The following SHANK1 variants were observed in gnomAD, a reference collection of about 807,000 sequenced individuals.
SHANK1 encodes SH3 and multiple ankyrin repeat domains 1, also known as SH3 and multiple ankyrin repeat domains protein 1.
A neutral mutation model predicts 165.6 loss-of-function variants in SHANK1; 35 were observed. The observed-to-expected ratio is 0.21, with a 90% CI of 0.16 to 0.28. SHANK1 has a LOEUF of 0.28. Ranked by LOEUF, SHANK1 falls within the 10% of genes least tolerant of loss-of-function variation. SHANK1 has a pLI of 1.00. For missense variants in SHANK1, 2,681 were observed against 3,036.4 expected, an observed-to-expected ratio of 0.88 and a Z score of 2.75; for synonymous variants, 1,428 against 1,384.8, an observed-to-expected ratio of 1.03 and a Z score of -0.69.
Position 50,697,353 on chromosome 19 carries a change from T to C in SHANK1, c.1938-231A>G, listed in dbSNP as rs1347070552. On this transcript the variant is annotated intron_variant, in intron 14 of 23. Coordinates refer to ENST00000293441, the MANE Select transcript of SHANK1 (RefSeq NM_016148.5). This position sits in a 1 kb window ranked among gnomAD's most constrained non-coding sequence, Gnocchi z 4.7. ...CCCCCCAGGCATCCCCACCCTGCCC[T>C]GACCACCCCGTTGTCTCTGGCTACC... Among the ~76,000 whole-genome samples the C allele has an allele frequency of 6.6e-6, 1 of 150,386 alleles. No homozygotes were observed. The highest frequency in any genetic ancestry group is 2.4e-5 in the African/African-American group (1 of 41,102).
chr19:50,685,385 T>C (rs1049895862), intron 21 of SHANK1, among the ~76,000 whole-genome samples: 3 of 152,132 alleles, frequency 2.0e-5, no homozygotes, highest in African/African-American at 7.2e-5. Flanking sequence ...GCTAACAACC[T>C]CGTGTACCTC....
intron 8 of SHANK1, among the ~76,000 whole-genome samples, chr19:50,707,268 T>C (rs1411257376): frequency 1.3e-5 from 2 of 152,248 alleles, no homozygotes; most frequent in Non-Finnish European, 2.9e-5. Context: ...CCACCTGGAT[T>C]AATGCTGGAC....
Position 50,668,063 on chromosome 19 carries a change from G to T in SHANK1, c.3897C>A (p.Leu1299=). ...CGCCGCTGCCCGCAGACTCCAGTCGGAGGTAGGGCTCGGCGGAGAACATGC... is the reference window on the plus strand; with the variant it reads ...CGCCGCTGCCCGCAGACTCCAGTCGTAGGTAGGGCTCGGCGGAGAACATGC... ...DEGMFSAEPY[L]RLESAGSGAG... Residue 1299 remains leucine (L), a synonymous_variant, in exon 23 of 24, where the codon CTC becomes CTA. Coordinates refer to ENST00000293441, the MANE Select transcript of SHANK1 (RefSeq NM_016148.5). 6.8e-7 allele frequency: 1 copy of T among 1,480,672 alleles called. No individual in the cohort carries two copies. Among genetic ancestry groups the T allele is most frequent in the Non-Finnish European group, 8.9e-7 (1 of 1,120,984 alleles). The allele number at this position is 1,480,672 out of a possible 1,614,324, so 91.7% of individuals were successfully genotyped here. A position where few individuals can be genotyped will look rare whatever the true frequency, so the allele number is the denominator to read the frequency against.
chr19:50,665,627 C>T (rs187859694), intron 23 of SHANK1, among the ~76,000 whole-genome samples: 35 of 144,844 alleles, frequency 2.4e-4, no homozygotes, highest in Admixed American at 7.6e-4. Flanking sequence ...GGCATAGTGG[C>T]GTGCACCTAT....
In SHANK1 at chr19:50,714,166, G is replaced by A; in HGVS notation, c.640+16C>T. The A allele has an allele frequency of 6.2e-7, 1 of 1,609,672 alleles. No homozygotes were observed. The highest frequency in any genetic ancestry group is 8.5e-7 in the Non-Finnish European group (1 of 1,176,194). Reference sequence around the variant, plus strand: ...GTCCTGGCCCTGAGGTCCTCCTGATGCGCACCCCTCCCTACCTCCCGAATC... The same window carrying A: ...GTCCTGGCCCTGAGGTCCTCCTGATACGCACCCCTCCCTACCTCCCGAATC... On this transcript the variant is annotated intron_variant, in intron 5 of 23. Coordinates refer to ENST00000293441, the MANE Select transcript of SHANK1 (RefSeq NM_016148.5).
At position 50,697,035 on chromosome 19, in the gene SHANK1, C is replaced by A; in HGVS notation, c.1964+61G>T. The A allele has an allele frequency of 7.0e-7, 1 of 1,427,578 alleles. No individual in the cohort carries two copies. The highest frequency in any genetic ancestry group is 1.7e-5 in the Admixed American group (1 of 59,690). 88.4% of individuals were successfully genotyped at this position (1,427,578 alleles called of 1,614,324 possible). Reference sequence around the variant, plus strand: ...TGGTCGTGCACACACGTTCACACGCCCCCCAGGCACCCCGTCCTTCCCCTC... The same window carrying A: ...TGGTCGTGCACACACGTTCACACGCACCCCAGGCACCCCGTCCTTCCCCTC... On this transcript the variant is annotated intron_variant, in intron 15 of 23. Coordinates refer to ENST00000293441, the MANE Select transcript of SHANK1 (RefSeq NM_016148.5). The surrounding 1 kb of genome is among the most constrained non-coding windows in gnomAD (Gnocchi z 4.7).
chr19:50,711,872 C>T, intron 7 of SHANK1, 75 bp downstream of exon 7: 1 of 1,552,292 alleles, frequency 6.4e-7, no homozygotes, highest in African/African-American at 1.4e-5. Flanking sequence ...GCATCTGGTT[C>T]CCAGCCCCAG....
chr19:50,702,397 T>G lies in SHANK1; in HGVS notation c.1747+70A>C. The stretch of plus-strand genomic sequence containing the variant: ...CCAGGTGCCCGAGAATGGTCTGCTC[T>G]CTGCTCCACATTTTCCCTGATCGCC... On this transcript the variant is annotated intron_variant, in intron 12 of 23. Coordinates refer to ENST00000293441, the MANE Select transcript of SHANK1 (RefSeq NM_016148.5). This position sits in a 1 kb window ranked among gnomAD's most constrained non-coding sequence, Gnocchi z 5.3. The G allele has an allele frequency of 7.1e-7, 1 of 1,408,236 alleles. No homozygotes were observed. The highest frequency in any genetic ancestry group is 1.4e-5 in the South Asian group (1 of 74,018). The allele number at this position is 1,408,236 out of a possible 1,614,324, so 87.2% of individuals were successfully genotyped here.
Position 50,666,413 on chromosome 19 carries a change from T to C in SHANK1, c.5547A>G (p.Pro1849=), listed in dbSNP as rs752256461. The change falls in exon 23 of 24, where the codon CCA becomes CCG. Residue 1849 remains proline (P), a synonymous_variant. Transcript: ENST00000293441. ...PWEEGPGPPP[P]PLPGPLAQPQ... is the part of the protein sequence containing the mutation. ...GCTGGGCCAAGGGCCCGGGCAGAGG[T>C]GGTGGCGGTGGGCCCGGGCCCTCCT... 4 of 1,611,784 alleles carry C rather than the reference T, an allele frequency of 2.5e-6. No homozygotes were observed. In the Admixed American group the frequency reaches 5.0e-5, roughly 20 times the overall value.
chr19:50,686,957 G>A lies in SHANK1; in HGVS notation c.2390-145C>T. 2.2e-6 allele frequency: 3 copies of A among 1,353,986 alleles called. No individual in the cohort carries two copies. The highest frequency in any genetic ancestry group is 2.9e-6 in the Non-Finnish European group (3 of 1,025,004). 83.9% of individuals were successfully genotyped at this position (1,353,986 alleles called of 1,614,324 possible). On this transcript the variant is annotated intron_variant, in intron 19 of 23. Transcript: ENST00000293441. This position sits in a 1 kb window ranked among gnomAD's most constrained non-coding sequence, Gnocchi z 5.7. ...AGTGAGGGGCCGGGGTCAGGGAGGG[G>A]CGAGTCCGCCGGCGGGGTCGGGAGA... is the stretch of plus-strand genomic sequence containing the variant.
chr19:50,668,742 C>T lies in SHANK1; in HGVS notation c.3218G>A (p.Gly1073Asp), dbSNP rs1326863578. 3.1e-6 allele frequency: 4 copies of T among 1,274,906 alleles called. No homozygotes were observed. Among genetic ancestry groups the T allele is most frequent in the Non-Finnish European group, 3.9e-6 (4 of 1,017,208 alleles). The allele number at this position is 1,274,906 out of a possible 1,614,324, so 79.0% of individuals were successfully genotyped here. ...AGCCGGGCCCTGGGAGGAGCCGCCGCCCCCGCCCGCGCTGCCGTGGTGCGA... is the reference window on the plus strand; with the variant it reads ...AGCCGGGCCCTGGGAGGAGCCGCCGTCCCCGCCCGCGCTGCCGTGGTGCGA... ...SPSHHGSAGG[G>D]GGSSQGPALR... Residue 1073 changes from glycine to aspartate, a missense_variant, in exon 23 of 24, where the codon GGC (glycine) becomes GAC (aspartate). Gly to Asp is a moderately conservative substitution (Grantham distance 94). This residue lies in a region of SHANK1 where 1,713 missense variants were observed against 1,630.2 expected (regional missense o/e 1.05). Transcript: ENST00000293441.
Position 50,667,499 on chromosome 19 carries a change from C to T in SHANK1, c.4461G>A (p.Arg1487=). 6.6e-7 allele frequency: 1 copy of T among 1,524,936 alleles called. No homozygotes were observed. The highest frequency in any genetic ancestry group is 8.7e-7 in the Non-Finnish European group (1 of 1,148,390). The allele number at this position is 1,524,936 out of a possible 1,614,324, so 94.5% of individuals were successfully genotyped here. ...CAAGGAACCGCACGTGCAGCGGCAG[C>T]CGCTCGGGTTCTTCGGGGGCTGCGG... ...WRSAAPEEPE[R]LPLHVRFLEN... is the part of the protein sequence containing the mutation. Residue 1487 remains arginine, a synonymous_variant, in exon 23 of 24, where the codon CGG becomes CGA. Transcript: ENST00000293441. This position sits in a 1 kb window ranked among gnomAD's most constrained non-coding sequence, Gnocchi z 5.7.
intron 5 of SHANK1, 68 bp from the exon 6 acceptor site, chr19:50,714,017 G>T (rs1164034867): frequency 6.3e-7 from 1 of 1,588,266 alleles, no homozygotes; most frequent in Admixed American, 1.8e-5. Flanking sequence ...CCATTTTCCA[G>T]GCTCTGCAGC....
intron 10 of SHANK1, 27 bp downstream of exon 10, chr19:50,704,093 G>A: frequency 6.2e-7 from 1 of 1,611,090 alleles, no homozygotes; most frequent in Non-Finnish European, 8.5e-7. Flanking sequence ...CAGGTTCTCT[G>A]TGCAGTCCGA....
At chr19:50,677,695 G>A (rs1470466504) in intron 21 of SHANK1, among the ~76,000 whole-genome samples, 2 of 152,176 alleles carry the variant, frequency 1.3e-5, no homozygotes, top group South Asian at 2.1e-4. Flanking sequence ...CTGACAAGAT[G>A]TGGCGAGCAA....
rs773611670 is a variant in SHANK1 at position 50,686,290 on chromosome 19, C to T, written c.2524G>A (p.Gly842Ser). ...TGTTTGCCCAGGGACGCGAGGCCAC[C>T]GGGACCAGGGCTTTCGCTTGCACTG... is the stretch of plus-strand genomic sequence containing the variant. ...TISASESPGP[G>S]GLASLGKHRP... Residue 842 changes from glycine to serine, a missense_variant, in exon 21 of 24, where the codon GGT becomes AGT. Around this residue, in one of 10 missense-constraint regions of SHANK1, gnomAD observed 206 missense variants for 216.0 expected, o/e 0.95. Coordinates refer to ENST00000293441, the MANE Select transcript of SHANK1 (RefSeq NM_016148.5). The surrounding 1 kb of genome is among the most constrained non-coding windows in gnomAD (Gnocchi z 5.7). 1.2e-6 allele frequency: 2 copies of T among 1,607,010 alleles called. No individual in the cohort carries two copies. Among genetic ancestry groups the T allele is most frequent in the South Asian group, 1.1e-5 (1 of 89,988 alleles).
intron 19 of SHANK1, 196 bp from the exon 20 acceptor site, chr19:50,687,008 C>A (rs749450130): frequency 1.3e-6 from 2 of 1,483,246 alleles, no homozygotes; most frequent in Non-Finnish European, 1.8e-6. Flanking sequence ...CAGTCCTGTG[C>A]CCACTCACCA....
chr19:50,698,536 G>A lies in SHANK1; in HGVS notation c.1748-580C>T, dbSNP rs545117868. Among the ~76,000 whole-genome samples the A allele has an allele frequency of 1.4e-4, 12 of 84,462 alleles. No homozygotes were observed. The South Asian group carries it at 3.6e-3, about 25-fold the overall frequency. 55.4% of individuals were successfully genotyped at this position (84,462 alleles called of 152,430 possible). ...CCTGCCCACCCTCCCAGGCCCCACC[G>A]CTTCCCCATTTAGCAAACATCACAG... On this transcript the variant is annotated intron_variant, in intron 12 of 23. Transcript: ENST00000293441.
At chr19:50,711,126 C>CT (rs2089003384) in intron 8 of SHANK1, 2 of 513,412 alleles carry the variant, frequency 3.9e-6, no homozygotes, top group East Asian at 6.8e-5. Flanking sequence ...GAGCTCAACA[C>CT]TTTGTCCCCA....
Sources: gnomAD v4.1 joint callset for allele counts (sites outside exome capture counted in the v4.1 genomes callset) on GRCh38, gnomAD v4.1.1 for gene constraint, gnomAD v4.1.1 regional missense constraint, Gnocchi (gnomAD v3.1) non-coding constraint, MANE v1.5 for transcripts, NCBI Gene and HGNC (gene_info 2026-07-23, HGNC 2026-07-21) for gene names.